Variants in HSD17B3 observed in about 807,000 individuals in gnomAD.
HSD17B3 encodes hydroxysteroid 17-beta dehydrogenase 3, also known as 17-beta-hydroxysteroid dehydrogenase type 3.
In HSD17B3, 29 loss-of-function variants were observed where a neutral mutation model predicts 41.1. That is an observed-to-expected ratio of 0.71 (90% CI 0.53 to 0.96). The LOEUF (loss-of-function observed/expected upper bound fraction) is 0.96, where lower values mean the gene tolerates loss of function less well. Among genes scored for constraint, HSD17B3 ranks in the 40% least tolerant of loss-of-function variants. The pLI, the probability that HSD17B3 is intolerant of heterozygous loss-of-function variation, is 0.00. For missense variants in HSD17B3, 323 were observed against 374.6 expected, an observed-to-expected ratio of 0.86 and a Z score of 1.14; for synonymous variants, 126 against 145.6, an observed-to-expected ratio of 0.87 and a Z score of 0.97.
chr9:96,254,924 T>G lies in HSD17B3; in HGVS notation c.221A>C (p.Asn74Thr), dbSNP rs780178733. The G allele has an allele frequency of 1.7e-5, 27 of 1,613,840 alleles. No individual in the cohort carries two copies. The highest frequency in any genetic ancestry group is 2.2e-5 in the Non-Finnish European group (26 of 1,179,978). ...YSFELAKRGLNVVLISRTLEK... is the reference protein window; with the variant it reads ...YSFELAKRGLTVVLISRTLEK... ...CAGCGTCCGGCTAATAAGGACAACA[T>G]TGAGTCCACGTTTTGCTAGCTGAGA... The change falls in exon 3 of 11, where the codon AAT becomes ACT. Residue 74 changes from asparagine (N) to threonine (T), a missense_variant. By Grantham distance (65) the Asn-to-Thr change is moderately conservative (BLOSUM62 0). Coordinates refer to ENST00000375263, the MANE Select transcript of HSD17B3 (RefSeq NM_000197.2).
At chr9:96,257,210 C>T (rs576581661) in intron 2 of HSD17B3, among the ~76,000 whole-genome samples, 1 of 152,142 alleles carries the variant, frequency 6.6e-6, no homozygotes, top group African/African-American at 2.4e-5. Flanking sequence ...TATTGCAGTG[C>T]AAGAACGAAA....
chr9:96,289,192 GGTGTGT>G (rs67271328), intron 2 of HSD17B3, among the ~76,000 whole-genome samples: 2,799 of 148,204 alleles, frequency 0.019, 33 homozygotes, highest in Middle Eastern at 0.062. Flanking sequence ...TTGATTTCCT[GGTGTGT>G]GTGTGTGTGT....
chr9:96,241,961 A>AAAAGAAGGAAAGAAAGAAAG (rs1836459211), intron 9 of HSD17B3, among the ~76,000 whole-genome samples: 1 of 100,696 alleles, frequency 9.9e-6, no homozygotes, highest in African/African-American at 4.2e-5. Flanking sequence ...AAAGAACAGA[A>AAAAGAAGGAAAGAAAGAAAG]AAAGAAAGAA....
In HSD17B3 at chr9:96,287,457, TG is replaced by T. The variant is rs1826968227; in HGVS notation, c.201+10958del. Among the ~76,000 whole-genome samples, 5 of 152,348 alleles carry T rather than the reference TG, an allele frequency of 3.3e-5. No homozygotes were observed. In the South Asian group the frequency reaches 1.0e-3, roughly 32 times the overall value. On this transcript the variant is annotated intron_variant, in intron 2 of 10. Coordinates refer to ENST00000375263, the MANE Select transcript of HSD17B3 (RefSeq NM_000197.2). ...CGGGCGTGGTGGCTCACGCCTGTAA[TG>T]CCAGCACTTTGGGAGGCCGAGGCAG...
chr9:96,250,749 G>A (rs980246950), intron 5 of HSD17B3, among the ~76,000 whole-genome samples: 20 of 151,954 alleles, frequency 1.3e-4, no homozygotes, highest in African/African-American at 3.6e-4. Context: ...TTAGCTGGGC[G>A]TGGTGGCAGG....
chr9:96,250,246 C>T (rs729390), intron 5 of HSD17B3: 294,655 of 1,111,484 alleles, frequency 0.27, 40,724 homozygotes, highest in African/African-American at 0.35. Flanking sequence ...GACAAGAGGA[C>T]GGACACAGAC....
intron 3 of HSD17B3, 33 bp from the exon 4 acceptor site, chr9:96,252,943 A>G (rs772016978): frequency 1.5e-6 from 2 of 1,375,060 alleles, no homozygotes; most frequent in South Asian, 2.3e-5. Context: ...TTTAATGAAC[A>G]GGGATCCAAA....
intron 2 of HSD17B3, among the ~76,000 whole-genome samples, chr9:96,295,368 C>T (rs1349063045): frequency 1.3e-5 from 2 of 150,980 alleles, no homozygotes; most frequent in Non-Finnish European, 2.9e-5. Context: ...AAGTCTCACT[C>T]TTGTCCCCCA....
intron 2 of HSD17B3, among the ~76,000 whole-genome samples, chr9:96,290,718 C>T (rs927648642): frequency 1.3e-5 from 2 of 151,732 alleles, no homozygotes; most frequent in Non-Finnish European, 2.9e-5. Context: ...CCTGTAATCC[C>T]AGCTACTCGG....
At chr9:96,235,678 C>A in intron 10 of HSD17B3, 108 bp from the exon 11 acceptor site, 1 of 877,808 alleles carries the variant, frequency 1.1e-6, no homozygotes, top group East Asian at 2.6e-5. Flanking sequence ...AGTGGAGCCC[C>A]AGAACCTTTT....
At chr9:96,266,819 G>A (rs1157453327) in intron 2 of HSD17B3, among the ~76,000 whole-genome samples, 2 of 152,080 alleles carry the variant, frequency 1.3e-5, no homozygotes, top group Non-Finnish European at 2.9e-5. Context: ...CGAGACTGAG[G>A]AGATAAAGCA....
At chr9:96,290,456 C>CT (rs61373611) in intron 2 of HSD17B3, among the ~76,000 whole-genome samples, 14,867 of 78,150 alleles carry the variant, frequency 0.19, 1,926 homozygotes, top group East Asian at 0.61. Flanking sequence ...ATTTCCTGGG[C>CT]TTTTTTTTTT....
chr9:96,251,564 T>G (rs1825414148), intron 4 of HSD17B3, 79 bp from the exon 5 acceptor site: 1 of 1,305,288 alleles, frequency 7.7e-7, no homozygotes, highest in South Asian at 1.2e-5. Context: ...ACAAAAAGAT[T>G]GACATGTAAG....
At chr9:96,284,877 C>T (rs1031765582) in intron 2 of HSD17B3, among the ~76,000 whole-genome samples, 4 of 146,870 alleles carry the variant, frequency 2.7e-5, no homozygotes, top group South Asian at 2.1e-4. Flanking sequence ...CTTGCTCTGT[C>T]GACCAGGCTG....
At chr9:96,258,057 C>A (rs149282983) in intron 2 of HSD17B3, among the ~76,000 whole-genome samples, 247 of 152,300 alleles carry the variant, frequency 1.6e-3, no homozygotes, top group African/African-American at 5.4e-3. Flanking sequence ...CTTGCCCATT[C>A]TTCTATGGAG....
intron 9 of HSD17B3, among the ~76,000 whole-genome samples, chr9:96,241,711 G>A (rs1049873800): frequency 2.0e-5 from 3 of 152,096 alleles, no homozygotes; most frequent in African/African-American, 7.2e-5. Flanking sequence ...AAGGCAGGAC[G>A]ATTGCTTGAG....
At chr9:96,271,062 T>C (rs1314405759) in intron 2 of HSD17B3, among the ~76,000 whole-genome samples, 9 of 152,098 alleles carry the variant, frequency 5.9e-5, no homozygotes, top group Admixed American at 2.0e-4. Flanking sequence ...GATAAGGATG[T>C]AGCCCTGGAT....
chr9:96,285,546 G>C (rs1289100384), intron 2 of HSD17B3, among the ~76,000 whole-genome samples: 1 of 152,160 alleles, frequency 6.6e-6, no homozygotes, highest in Non-Finnish European at 1.5e-5. Flanking sequence ...TTCTAATTTA[G>C]TTTACTTGGG....
intron 9 of HSD17B3, among the ~76,000 whole-genome samples, chr9:96,242,785 A>C (rs1449707173): frequency 6.6e-6 from 1 of 152,140 alleles, no homozygotes; most frequent in Non-Finnish European, 1.5e-5. Flanking sequence ...GATCAAGACA[A>C]GATGCTGCTG....
Sources: gnomAD v4.1 joint callset for allele counts (sites outside exome capture counted in the v4.1 genomes callset) on GRCh38, gnomAD v4.1.1 for gene constraint, MANE v1.5 for transcripts, NCBI Gene and HGNC (gene_info 2026-07-23, HGNC 2026-07-21) for gene names.